Variants in R3HDM2 observed in about 807,000 individuals in gnomAD.
The protein encoded by R3HDM2 is R3H domain containing 2, also known as R3H domain-containing protein 2.
In R3HDM2, 38 loss-of-function variants were observed where a neutral mutation model predicts 124.5. That is an observed-to-expected ratio of 0.31 (90% CI 0.24 to 0.40). The LOEUF is 0.40. Ranked by LOEUF, R3HDM2 falls within the 10% of genes least tolerant of loss-of-function variation. The pLI, the probability that R3HDM2 is intolerant of heterozygous loss-of-function variation, is 1.00. For missense variants in R3HDM2, 869 were observed against 1,236.9 expected, an observed-to-expected ratio of 0.70 and a Z score of 4.46; for synonymous variants, 391 against 448.0, an observed-to-expected ratio of 0.87 and a Z score of 1.61.
intron 1 of R3HDM2, among the ~76,000 whole-genome samples, chr12:57,400,747 A>G (rs1226626263): frequency 1.3e-5 from 2 of 152,142 alleles, no homozygotes; most frequent in Admixed American, 6.6e-5. Context: ...GTAACTCTCT[A>G]TAACTAACAA....
chr12:57,278,813 T>A (rs2045465365), intron 14 of R3HDM2, among the ~76,000 whole-genome samples: 1 of 152,212 alleles, frequency 6.6e-6, no homozygotes, highest in African/African-American at 2.4e-5. Context: ...ATTTCCTAGA[T>A]CTTCACTGTT....
intron 1 of R3HDM2, among the ~76,000 whole-genome samples, chr12:57,396,777 C>CAA (rs35199480): frequency 9.5e-6 from 1 of 104,870 alleles, no homozygotes; most frequent in African/African-American, 3.6e-5. Flanking sequence ...GACTCTGTCT[C>CAA]AAAAAAAAAA....
At chr12:57,291,229 G>C (rs2048517017) in intron 11 of R3HDM2, among the ~76,000 whole-genome samples, 1 of 149,866 alleles carries the variant, frequency 6.7e-6, no homozygotes. Flanking sequence ...TTTTTAGTTG[G>C]AGACAGTATT....
At chr12:57,346,823 G>A (rs542447435) in intron 2 of R3HDM2, among the ~76,000 whole-genome samples, 39 of 152,228 alleles carry the variant, frequency 2.6e-4, no homozygotes, top group Non-Finnish European at 4.7e-4. Context: ...AAGTTGATGG[G>A]GTTTTTAATG....
At chr12:57,392,471 G>A (rs2066842134) in intron 2 of R3HDM2, among the ~76,000 whole-genome samples, 1 of 152,176 alleles carries the variant, frequency 6.6e-6, no homozygotes, top group South Asian at 2.1e-4. Flanking sequence ...ACAGGAGGCT[G>A]AGTTCAGGGG....
chr12:57,303,162 G>A lies in R3HDM2; in HGVS notation c.207+14C>T, dbSNP rs1178286969. 1.8e-5 allele frequency: 27 copies of A among 1,498,878 alleles called. No individual in the cohort carries two copies. In the Admixed American group the frequency reaches 4.7e-4, roughly 26 times the overall value. The allele number at this position is 1,498,878 out of a possible 1,614,324, so 92.8% of individuals were successfully genotyped here. On this transcript the variant is annotated intron_variant, in intron 4 of 23. Transcript: ENST00000402412. ...TAATAACATTAGAAAAGAAGCTAGAGGAAGGGCTCTCACCTTGGCTCTTTT... is the reference window on the plus strand; with the variant it reads ...TAATAACATTAGAAAAGAAGCTAGAAGAAGGGCTCTCACCTTGGCTCTTTT...
intron 13 of R3HDM2, among the ~76,000 whole-genome samples, chr12:57,282,275 C>T (rs540877041): frequency 4.8e-4 from 68 of 141,920 alleles, no homozygotes; most frequent in African/African-American, 1.7e-3. Flanking sequence ...CGTGCCATTG[C>T]GTAACAAGAG....
chr12:57,368,941 C>T (rs143628743), intron 2 of R3HDM2, among the ~76,000 whole-genome samples: 7 of 152,098 alleles, frequency 4.6e-5, no homozygotes, highest in South Asian at 2.1e-4. Flanking sequence ...GTCAGCAGGG[C>T]GAGGGCTGAG....
intron 6 of R3HDM2, 86 bp downstream of exon 6, chr12:57,299,266 C>T: frequency 7.2e-7 from 1 of 1,383,296 alleles, no homozygotes; most frequent in South Asian, 1.3e-5. Context: ...AATTGATGGG[C>T]CAGTAAGGCT....
intron 2 of R3HDM2, among the ~76,000 whole-genome samples, chr12:57,388,681 G>A (rs756201277): frequency 1.3e-5 from 2 of 152,138 alleles, no homozygotes; most frequent in Non-Finnish European, 2.9e-5. Flanking sequence ...GACCACGAAG[G>A]CAGTTACAGC....
At chr12:57,331,525 G>T (rs2058191554) in intron 2 of R3HDM2, among the ~76,000 whole-genome samples, 1 of 152,138 alleles carries the variant, frequency 6.6e-6, no homozygotes, top group Non-Finnish European at 1.5e-5. Context: ...TTTGCTCGCT[G>T]CTTATAAACA....
chr12:57,272,313 TG>T (rs2043756996), intron 14 of R3HDM2: 1 of 723,046 alleles, frequency 1.4e-6, no homozygotes, highest in East Asian at 2.7e-5. Flanking sequence ...CAGCCTGTGC[TG>T]GTCCCTCAAG....
At chr12:57,277,461 C>T (rs2045112947) in intron 14 of R3HDM2, among the ~76,000 whole-genome samples, 1 of 148,590 alleles carries the variant, frequency 6.7e-6, no homozygotes, top group Non-Finnish European at 1.5e-5. Context: ...TTTTTTTAGA[C>T]AGAGTCTTGC....
intron 1 of R3HDM2, among the ~76,000 whole-genome samples, chr12:57,423,704 C>T (rs1220305101): frequency 7.0e-6 from 1 of 143,338 alleles, no homozygotes; most frequent in African/African-American, 2.6e-5. Flanking sequence ...CCCAGCTACT[C>T]GGGAGGCTGA....
In R3HDM2 at chr12:57,254,932, C is replaced by T. The variant is rs373712240; in HGVS notation, c.2814G>A (p.Ser938=). Residue 938 remains serine, a synonymous_variant, in exon 24 of 24, where the codon TCG becomes TCA. Coordinates refer to ENST00000402412, the MANE Select transcript of R3HDM2 (RefSeq NM_001394031.1). The part of the protein sequence containing the change: ...NSGTAENGRH[S]DLAALYTIVA... ...CAATGGTGTACAAGGCAGCGAGGTCCGAGTGGCGGCCATTCTCAGCAGTCC... is the reference window on the plus strand; with the variant it reads ...CAATGGTGTACAAGGCAGCGAGGTCTGAGTGGCGGCCATTCTCAGCAGTCC... 3.5e-5 allele frequency: 56 copies of T among 1,614,108 alleles called. No homozygotes were observed. Among genetic ancestry groups the T allele is most frequent in the Middle Eastern group, 1.7e-4 (1 of 6,060 alleles).
At chr12:57,369,802 A>T (rs2063100477) in intron 2 of R3HDM2, among the ~76,000 whole-genome samples, 1 of 152,154 alleles carries the variant, frequency 6.6e-6, no homozygotes, top group South Asian at 2.1e-4. Context: ...GAATTTAAAA[A>T]TATATATATG....
In R3HDM2 at chr12:57,296,765, T is replaced by C. The variant is rs1327658716; in HGVS notation, c.561-214A>G. 2 of 513,034 alleles carry C rather than the reference T, an allele frequency of 3.9e-6. No homozygotes were observed. Among genetic ancestry groups the C allele is most frequent in the Non-Finnish European group, 6.8e-6 (2 of 294,792 alleles). The allele number at this position is 513,034 out of a possible 1,614,324, so 31.8% of individuals were successfully genotyped here. ...TGCAGATTACTATGACCTACTTTCC[T>C]CATTAAGACTACTCATTGCTGGGTG... On this transcript the variant is annotated intron_variant, in intron 8 of 23. Coordinates refer to ENST00000402412, the MANE Select transcript of R3HDM2 (RefSeq NM_001394031.1). This position sits in a 1 kb window ranked among gnomAD's most constrained non-coding sequence, Gnocchi z 4.5.
intron 2 of R3HDM2, among the ~76,000 whole-genome samples, chr12:57,313,755 C>T (rs2054415201): frequency 6.6e-6 from 1 of 151,094 alleles, no homozygotes; most frequent in African/African-American, 2.4e-5. Flanking sequence ...GTGGAGTGTG[C>T]CTGTCGTCCC....
At chr12:57,383,444 T>C (rs1303277466) in intron 2 of R3HDM2, among the ~76,000 whole-genome samples, 1 of 152,164 alleles carries the variant, frequency 6.6e-6, no homozygotes, top group Non-Finnish European at 1.5e-5. Context: ...GGCTAATGCC[T>C]GTAATCCCAG....
Sources: allele counts gnomAD v4.1 joint callset (sites outside exome capture counted in the v4.1 genomes callset), GRCh38; gene constraint gnomAD v4.1.1; non-coding constraint Gnocchi (gnomAD v3.1); transcripts MANE v1.5; gene names NCBI Gene and HGNC (gene_info 2026-07-23, HGNC 2026-07-21).